The following SEMA6D variants were observed in gnomAD, a reference collection of about 807,000 sequenced individuals.
SEMA6D encodes semaphorin 6D.
Under a neutral mutation model 106.6 loss-of-function variants are expected in SEMA6D, and 35 were observed. That is an observed-to-expected ratio of 0.33 (90% CI 0.25 to 0.44). SEMA6D has a LOEUF of 0.44. SEMA6D is among the 20% of genes least tolerant of loss of function. The pLI is 1.00. For synonymous variants in SEMA6D, 499 were observed against 487.7 expected, an observed-to-expected ratio of 1.02 and a Z score of -0.31; for missense variants, 1,185 against 1,345.9, an observed-to-expected ratio of 0.88 and a Z score of 1.87.
At chr15:47,228,020 A>G (rs1053674850) in intron 1 of SEMA6D, among the ~76,000 whole-genome samples, 1 of 142,442 alleles carries the variant, frequency 7.0e-6, no homozygotes, top group Non-Finnish European at 1.5e-5. Flanking sequence ...TAAGAATCAT[A>G]TATTTTTTAT....
At chr15:47,495,260 T>C in intron 3 of SEMA6D, among the ~76,000 whole-genome samples, 1 of 152,180 alleles carries the variant, frequency 6.6e-6, no homozygotes, top group East Asian at 1.9e-4. Context: ...TGCTATATTT[T>C]TTTTTTAGAA....
At chr15:47,621,116 C>T (rs1442106548) in intron 4 of SEMA6D, among the ~76,000 whole-genome samples, 2 of 152,106 alleles carry the variant, frequency 1.3e-5, no homozygotes, top group African/African-American at 4.8e-5. Flanking sequence ...ACTAACCTAC[C>T]CTGTTAAAGT....
intron 1 of SEMA6D, among the ~76,000 whole-genome samples, chr15:47,284,221 C>T (rs969884703): frequency 6.6e-6 from 1 of 152,126 alleles, no homozygotes; most frequent in Non-Finnish European, 1.5e-5. Context: ...TGAACATCTG[C>T]CAGAAGATGT....
chr15:47,635,553 G>A lies in SEMA6D; in HGVS notation c.-55+34657G>A, dbSNP rs1287967549. Among the ~76,000 whole-genome samples, 4 of 152,170 alleles carry A rather than the reference G, an allele frequency of 2.6e-5. No homozygotes were observed. The East Asian group carries it at 7.7e-4, about 29-fold the overall frequency. ...AAATTTAAAAATATTTACAATACATGGTCAGTCAGAAGTATGGGAGGCCCT... is the reference window on the plus strand; with the variant it reads ...AAATTTAAAAATATTTACAATACATAGTCAGTCAGAAGTATGGGAGGCCCT... On this transcript the variant is annotated intron_variant, in intron 4 of 19. Transcript: ENST00000558014.
intron 1 of SEMA6D, among the ~76,000 whole-genome samples, chr15:47,241,755 T>C (rs2032923840): frequency 6.6e-6 from 1 of 151,668 alleles, no homozygotes; most frequent in Admixed American, 6.6e-5. Flanking sequence ...GCTTGCCAAA[T>C]ATGTGTCTGG....
At chr15:47,486,915 G>A (rs1362871815) in intron 3 of SEMA6D, among the ~76,000 whole-genome samples, 2 of 152,110 alleles carry the variant, frequency 1.3e-5, no homozygotes, top group Non-Finnish European at 2.9e-5. Flanking sequence ...CATATGTACT[G>A]TTTAACTTTC....
At chr15:47,479,929 C>T (rs558273661) in intron 3 of SEMA6D, among the ~76,000 whole-genome samples, 8 of 142,708 alleles carry the variant, frequency 5.6e-5, no homozygotes, top group South Asian at 2.2e-4. Context: ...AGTGCAGTGA[C>T]GTAATCATAG....
chr15:47,518,889 C>A (rs924590211), intron 3 of SEMA6D, among the ~76,000 whole-genome samples: 44 of 152,052 alleles, frequency 2.9e-4, no homozygotes, highest in African/African-American at 1.1e-3. Flanking sequence ...GGCTGTTTTG[C>A]AGTTAATTTT....
At chr15:47,407,406 C>A (rs411826) in intron 1 of SEMA6D, among the ~76,000 whole-genome samples, 45,059 of 103,400 alleles carry the variant, frequency 0.44, 10,159 homozygotes, top group South Asian at 0.53. Flanking sequence ...ACAACAACAA[C>A]AACAAAAAAA....
chr15:47,300,016 A>G (rs2035959061), intron 1 of SEMA6D, among the ~76,000 whole-genome samples: 1 of 152,204 alleles, frequency 6.6e-6, no homozygotes, highest in East Asian at 1.9e-4. Context: ...ATTAGCATAA[A>G]TTTATCCTTG....
Position 47,773,734 on chromosome 15 carries a change from T to C in SEMA6D, c.*1949T>C, listed in dbSNP as rs1193830714. ...GCTAAAATTTCTGTTCTTGAAACACTTCAGCTTTGCAACTAAAATATTACA... is the reference window on the plus strand; with the variant it reads ...GCTAAAATTTCTGTTCTTGAAACACCTCAGCTTTGCAACTAAAATATTACA... On this transcript the variant is annotated 3_prime_UTR_variant, in exon 19 of 19. Coordinates refer to ENST00000536845, the MANE Select transcript of SEMA6D (RefSeq NM_001358351.3). 6.6e-6 allele frequency: 1 copy of C among 152,644 alleles called. No individual in the cohort carries two copies. Among genetic ancestry groups the C allele is most frequent in the Non-Finnish European group, 1.5e-5 (1 of 68,036 alleles). 9.5% of individuals were successfully genotyped at this position (152,644 alleles called of 1,614,324 possible).
intron 1 of SEMA6D, among the ~76,000 whole-genome samples, chr15:47,211,920 C>T (rs1266906966): frequency 6.6e-6 from 1 of 151,936 alleles, no homozygotes; most frequent in Non-Finnish European, 1.5e-5. Context: ...GACATAAATA[C>T]TGCAGACAGT....
At chr15:47,234,904 G>A (rs2032442630) in intron 1 of SEMA6D, among the ~76,000 whole-genome samples, 1 of 152,010 alleles carries the variant, frequency 6.6e-6, no homozygotes, top group South Asian at 2.1e-4. Flanking sequence ...TCTACTTTTA[G>A]TTCTTTGAGA....
intron 1 of SEMA6D, among the ~76,000 whole-genome samples, chr15:47,727,871 T>G (rs2079862466): frequency 6.6e-6 from 1 of 152,132 alleles, no homozygotes; most frequent in Non-Finnish European, 1.5e-5. Flanking sequence ...CCTGCTGCGG[T>G]CAGGATGGAA....
chr15:47,765,981 C>A lies in SEMA6D; in HGVS notation c.1540C>A (p.Arg514Ser), dbSNP rs777452290. The A allele has an allele frequency of 6.9e-6, 11 of 1,594,986 alleles. No homozygotes were observed. The highest frequency in any genetic ancestry group is 2.2e-5 in the East Asian group (1 of 44,728). ...CTGCATTATCCGCATCCCCCTCAGTCGCTGTGAGCGTTATGGATCATGTAA... is the reference window on the plus strand; with the variant it reads ...CTGCATTATCCGCATCCCCCTCAGTAGCTGTGAGCGTTATGGATCATGTAA... Reference protein sequence around the residue: ...SSCIIRIPLSRCERYGSCKKS... With the variant: ...SSCIIRIPLSSCERYGSCKKS... The change falls in exon 14 of 19, where the codon CGC (arginine) becomes AGC (serine). Residue 514 changes from arginine to serine, a missense_variant. Around this residue, in one of 3 missense-constraint regions of SEMA6D, gnomAD observed 750 missense variants for 783.5 expected, o/e 0.96. Transcript: ENST00000536845.
chr15:47,649,784 A>G (rs535110958), intron 4 of SEMA6D, among the ~76,000 whole-genome samples: 1 of 152,124 alleles, frequency 6.6e-6, no homozygotes, highest in East Asian at 1.9e-4. Flanking sequence ...CCAAATGCCT[A>G]CAACTTTTCA....
Position 47,663,102 on chromosome 15 carries a change from G to A in SEMA6D, c.-55+62206G>A, listed in dbSNP as rs191167341. On this transcript the variant is annotated intron_variant, in intron 4 of 19. Transcript: ENST00000558014. ...TTTCAAAGCAATTTTAATGATCAACGTGAGATAATATTTAAAAACGTTTAT... is the reference window on the plus strand; with the variant it reads ...TTTCAAAGCAATTTTAATGATCAACATGAGATAATATTTAAAAACGTTTAT... Among the ~76,000 whole-genome samples the A allele has an allele frequency of 2.9e-4, 44 of 152,288 alleles. 2 individuals carry two copies. In the East Asian group the frequency reaches 8.3e-3, roughly 29 times the overall value.
chr15:47,195,318 G>A lies in SEMA6D; in HGVS notation c.-239+10900G>A, dbSNP rs116256495. Among the ~76,000 whole-genome samples, 1,402 of 152,176 alleles carry A rather than the reference G, an allele frequency of 9.2e-3. 26 individuals are homozygous for A. The highest frequency in any genetic ancestry group is 0.032 in the African/African-American group (1,331 of 41,508). ...TTGCTTTCTCACCTGTCTTACTTGGGCTGCATCATCCGTTCCCTGCCCTTT... is the reference window on the plus strand; with the variant it reads ...TTGCTTTCTCACCTGTCTTACTTGGACTGCATCATCCGTTCCCTGCCCTTT... On this transcript the variant is annotated intron_variant, in intron 1 of 19. Coordinates refer to the SEMA6D transcript ENST00000558014.
chr15:47,488,661 A>C (rs1567115410), intron 3 of SEMA6D, among the ~76,000 whole-genome samples: 1 of 152,074 alleles, frequency 6.6e-6, no homozygotes, highest in Admixed American at 6.6e-5. Context: ...GAAGGGAGGG[A>C]GTTAGCTAGA....
Sources: gnomAD v4.1 joint callset for allele counts (sites outside exome capture counted in the v4.1 genomes callset) on GRCh38, gnomAD v4.1.1 for gene constraint, gnomAD v4.1.1 regional missense constraint, MANE v1.5 for transcripts, NCBI Gene and HGNC (gene_info 2026-07-23, HGNC 2026-07-21) for gene names.